PRKN: variants seen among roughly 807,000 people sequenced by gnomAD.
The protein encoded by PRKN is E3 ubiquitin-protein ligase parkin.
A neutral mutation model predicts 59.5 loss-of-function variants in PRKN; 56 were observed. The ratio of observed to expected loss-of-function variants is 0.94; its 90% CI spans 0.76 to 1.18. PRKN has a LOEUF of 1.18. Ranked by LOEUF, PRKN falls within the 50% of genes most tolerant of loss-of-function variation. The pLI is 0.00. For synonymous variants in PRKN, 250 were observed against 222.1 expected, an observed-to-expected ratio of 1.13 and a Z score of -1.12; for missense variants, 657 against 596.4, an observed-to-expected ratio of 1.10 and a Z score of -1.06.
rs191188738 is a variant in PRKN at position 162,208,269 on chromosome 6, G to A, written c.413-7017C>T. ...ACGAGCCATAAACTTAACTCCTGTGGAGTAACCAAGGTTATGCTATATTGT... is the reference window on the plus strand; with the variant it reads ...ACGAGCCATAAACTTAACTCCTGTGAAGTAACCAAGGTTATGCTATATTGT... On this transcript the variant is annotated intron_variant, in intron 3 of 11. Coordinates refer to ENST00000366898, the MANE Select transcript of PRKN (RefSeq NM_004562.3). Among the ~76,000 whole-genome samples, 97 of 152,234 alleles carry A rather than the reference G, an allele frequency of 6.4e-4. 1 individual carries two copies. Among genetic ancestry groups the A allele is most frequent in the African/African-American group, 2.3e-3 (95 of 41,552 alleles).
At chr6:162,219,157 C>G (rs1777826966) in intron 3 of PRKN, among the ~76,000 whole-genome samples, 1 of 152,164 alleles carries the variant, frequency 6.6e-6, no homozygotes, top group Non-Finnish European at 1.5e-5. Context: ...TGCCACTGTA[C>G]TCCAGCCTGG....
chr6:162,609,199 T>C (rs934560667), intron 1 of PRKN, among the ~76,000 whole-genome samples: 2 of 152,138 alleles, frequency 1.3e-5, no homozygotes, highest in Non-Finnish European at 2.9e-5. Flanking sequence ...CTCAGGGTCA[T>C]GCATTTAGGA....
intron 1 of PRKN, among the ~76,000 whole-genome samples, chr6:162,653,553 A>T (rs1236416249): frequency 6.6e-6 from 1 of 152,150 alleles, no homozygotes; most frequent in East Asian, 1.9e-4. Flanking sequence ...AATTTTGTGT[A>T]TTTGGAATCT....
At chr6:162,424,577 T>C (rs945491189) in intron 2 of PRKN, among the ~76,000 whole-genome samples, 1 of 151,414 alleles carries the variant, frequency 6.6e-6, no homozygotes, top group Non-Finnish European at 1.5e-5. Flanking sequence ...CTACTAAAAA[T>C]ACAAAAAAAT....
At chr6:161,975,619 A>G (rs1180069825) in intron 5 of PRKN, among the ~76,000 whole-genome samples, 1 of 152,018 alleles carries the variant, frequency 6.6e-6, no homozygotes, top group African/African-American at 2.4e-5. Flanking sequence ...CTCGGGTGGG[A>G]GGGGGCACGG....
chr6:161,828,340 C>T (rs919411138), intron 6 of PRKN, among the ~76,000 whole-genome samples: 1 of 152,196 alleles, frequency 6.6e-6, no homozygotes. Flanking sequence ...TATTTTTAAT[C>T]TTATTTGAGT....
chr6:161,675,894 T>C (rs1785068918), intron 7 of PRKN, among the ~76,000 whole-genome samples: 1 of 152,222 alleles, frequency 6.6e-6, no homozygotes, highest in South Asian at 2.1e-4. Flanking sequence ...TAAAAGTAAA[T>C]TTGAAAATGC....
In PRKN at chr6:161,548,249, T is replaced by C. The variant is rs79903911; in HGVS notation, c.1083+605A>G. On this transcript the variant is annotated intron_variant, in intron 9 of 11. Coordinates refer to ENST00000366898, the MANE Select transcript of PRKN (RefSeq NM_004562.3). This position sits in a 1 kb window ranked among gnomAD's most constrained non-coding sequence, Gnocchi z 4.2. Reference sequence around the variant, plus strand: ...CTTCTTCCCCCCTTGAGCCATCAGCTTGCAGCCATAGATTCATTTGAAAAG... The same window carrying C: ...CTTCTTCCCCCCTTGAGCCATCAGCCTGCAGCCATAGATTCATTTGAAAAG... Among the ~76,000 whole-genome samples, 2,487 of 152,320 alleles carry C rather than the reference T, an allele frequency of 0.016. 70 individuals are homozygous for C. Among genetic ancestry groups the C allele is most frequent in the African/African-American group, 0.056 (2,328 of 41,568 alleles).
intron 8 of PRKN, among the ~76,000 whole-genome samples, chr6:161,564,117 AG>A (rs1562528226): frequency 6.6e-6 from 1 of 152,218 alleles, no homozygotes; most frequent in Non-Finnish European, 1.5e-5. Context: ...TCAAGCATCC[AG>A]TGAGATCCCA....
intron 7 of PRKN, among the ~76,000 whole-genome samples, chr6:161,674,481 C>A (rs940918535): frequency 3.9e-5 from 6 of 152,058 alleles, no homozygotes; most frequent in African/African-American, 1.2e-4. Context: ...TTTTAAAATG[C>A]ACATTTTTCC....
chr6:161,626,355 A>G (rs1783087637), intron 7 of PRKN, among the ~76,000 whole-genome samples: 1 of 152,204 alleles, frequency 6.6e-6, no homozygotes, highest in African/African-American at 2.4e-5. Flanking sequence ...AGACCGAACT[A>G]CCACCCATGT....
At chr6:162,295,441 GT>G (rs1781627578) in intron 2 of PRKN, among the ~76,000 whole-genome samples, 1 of 152,132 alleles carries the variant, frequency 6.6e-6, no homozygotes, top group Non-Finnish European at 1.5e-5. Flanking sequence ...AGGCCCTGTG[GT>G]CTGATACCAC....
At chr6:162,142,448 C>T (rs1433916223) in intron 4 of PRKN, among the ~76,000 whole-genome samples, 2 of 152,138 alleles carry the variant, frequency 1.3e-5, no homozygotes, top group Non-Finnish European at 2.9e-5. Context: ...ATCGTTCCTC[C>T]ATTATAGGCT....
chr6:162,650,968 T>A (rs1258136371), intron 1 of PRKN, among the ~76,000 whole-genome samples: 2 of 152,064 alleles, frequency 1.3e-5, no homozygotes, highest in East Asian at 3.9e-4. Flanking sequence ...GTGGAGAGAA[T>A]GTGAGGGAAT....
intron 1 of PRKN, among the ~76,000 whole-genome samples, chr6:162,574,373 A>G (rs1275948789): frequency 1.1e-5 from 1 of 92,904 alleles, no homozygotes; most frequent in Non-Finnish European, 2.0e-5. Context: ...AGAAAGAGGA[A>G]AAAAAAAAGT....
At chr6:162,653,167 T>C (rs1778510017) in intron 1 of PRKN, among the ~76,000 whole-genome samples, 1 of 152,218 alleles carries the variant, frequency 6.6e-6, no homozygotes, top group Non-Finnish European at 1.5e-5. Context: ...TGCATTGTTT[T>C]TGGATTCAGG....
At chr6:161,924,656 T>A (rs1161848849) in intron 6 of PRKN, among the ~76,000 whole-genome samples, 1 of 152,204 alleles carries the variant, frequency 6.6e-6, no homozygotes, top group Non-Finnish European at 1.5e-5. Context: ...GACTCATTCT[T>A]CAGGGGCTCA....
At chr6:161,874,689 ATAT>A in intron 6 of PRKN, among the ~76,000 whole-genome samples, 10 of 117,368 alleles carry the variant, frequency 8.5e-5, no homozygotes, top group Non-Finnish European at 1.2e-4. Context: ...AATGTACAAT[ATAT>A]ATAAAATATA....
At chr6:161,780,835 A>T (rs1790173039) in intron 7 of PRKN, among the ~76,000 whole-genome samples, 1 of 152,252 alleles carries the variant, frequency 6.6e-6, no homozygotes, top group African/African-American at 2.4e-5. Context: ...TTGAGCAAAT[A>T]TTAAAGAAAA....
Sources: allele counts gnomAD v4.1 joint callset (sites outside exome capture counted in the v4.1 genomes callset), GRCh38; gene constraint gnomAD v4.1.1; non-coding constraint Gnocchi (gnomAD v3.1); transcripts MANE v1.5; gene names NCBI Gene and HGNC (gene_info 2026-07-23, HGNC 2026-07-21).